Variants in CNBD1 observed in about 807,000 individuals in gnomAD.
CNBD1 encodes the protein cyclic nucleotide-binding domain-containing protein 1.
A neutral mutation model predicts 54.4 loss-of-function variants in CNBD1; 71 were observed. That is an observed-to-expected ratio of 1.30 (90% CI 1.08 to 1.59). The LOEUF (loss-of-function observed/expected upper bound fraction) is 1.59, where lower values mean the gene tolerates loss of function less well. Ranked by LOEUF, CNBD1 falls within the 40% of genes most tolerant of loss-of-function variation. CNBD1 has a pLI of 0.00. For missense variants in CNBD1, 659 were observed against 518.0 expected (o/e 1.27, Z -2.64); for synonymous variants, 182 against 170.7 (o/e 1.07, Z -0.51).
intron 2 of CNBD1, among the ~76,000 whole-genome samples, chr8:87,392,756 A>C (rs576970185): frequency 1.3e-5 from 2 of 151,942 alleles, no homozygotes; most frequent in Non-Finnish European, 2.9e-5. Flanking sequence ...AACTCTGTGA[A>C]TATAATGAAA....
At chr8:86,993,720 A>G (rs1808806378) in intron 4 of CNBD1, among the ~76,000 whole-genome samples, 1 of 152,208 alleles carries the variant, frequency 6.6e-6, no homozygotes, top group African/African-American at 2.4e-5. Context: ...GTGTGTATTA[A>G]AAGAATATTT....
chr8:87,327,958 A>T (rs1354975469), intron 8 of CNBD1, among the ~76,000 whole-genome samples: 6 of 150,786 alleles, frequency 4.0e-5, no homozygotes, highest in Non-Finnish European at 7.4e-5. Flanking sequence ...TTGCATGTTG[A>T]TATCCAGTTT....
rs541791576 is a variant in CNBD1 at position 87,394,691 on chromosome 8, C to G, written c.214-33855C>G. Among the ~76,000 whole-genome samples the G allele has an allele frequency of 1.6e-4, 25 of 151,958 alleles. No individual in the cohort carries two copies. The East Asian group carries it at 4.7e-3, about 28-fold the overall frequency. Reference sequence around the variant, plus strand: ...CTGTTTTATTTTTCTAGTTAGAGAGCACCTATCCATGCATAAAAAGAAAAC... The same window carrying G: ...CTGTTTTATTTTTCTAGTTAGAGAGGACCTATCCATGCATAAAAAGAAAAC... On this transcript the variant is annotated intron_variant, in intron 2 of 7. Coordinates refer to the CNBD1 transcript ENST00000521593.
In CNBD1 at chr8:87,123,518, G is replaced by A. The variant is rs543944953; in HGVS notation, c.432-82475G>A. Among the ~76,000 whole-genome samples, 11 of 151,626 alleles carry A rather than the reference G, an allele frequency of 7.3e-5. No individual in the cohort carries two copies. In the South Asian group the frequency reaches 2.3e-3, roughly 31 times the overall value. On this transcript the variant is annotated intron_variant, in intron 4 of 10. Coordinates refer to ENST00000518476, the MANE Select transcript of CNBD1 (RefSeq NM_173538.3). ...CCCCAAATTATGGAATGCAGCAAAA[G>A]CAGTCCTAATAAGGACATTTATAGC...
At chr8:87,078,236 T>C (rs751099448) in intron 4 of CNBD1, among the ~76,000 whole-genome samples, 4 of 152,234 alleles carry the variant, frequency 2.6e-5, no homozygotes, top group Non-Finnish European at 5.9e-5. Flanking sequence ...AGGTGGGCTG[T>C]CCACTATTTT....
chr8:87,346,075 C>G (rs1810170377), intron 8 of CNBD1, among the ~76,000 whole-genome samples: 1 of 151,250 alleles, frequency 6.6e-6, no homozygotes, highest in Non-Finnish European at 1.5e-5. Context: ...GAGTTTCACT[C>G]TTGTTGCCCA....
chr8:87,354,349 CA>C (rs1810375747), intron 10 of CNBD1, among the ~76,000 whole-genome samples: 1 of 151,980 alleles, frequency 6.6e-6, no homozygotes, highest in Admixed American at 6.6e-5. Context: ...TGGTGGATCC[CA>C]GGCAGGGACC....
chr8:87,145,162 C>A (rs1280268734), intron 4 of CNBD1, among the ~76,000 whole-genome samples: 1 of 151,912 alleles, frequency 6.6e-6, no homozygotes, highest in Non-Finnish European at 1.5e-5. Context: ...GTTTGAAGAA[C>A]AAAGACAGAA....
intron 4 of CNBD1, among the ~76,000 whole-genome samples, chr8:87,021,994 C>T (rs938970599): frequency 9.2e-5 from 14 of 152,124 alleles, no homozygotes; most frequent in Admixed American, 3.3e-4. Context: ...ATGACAGTAA[C>T]AGATAGGCGA....
At chr8:86,951,581 CAAAAAAAAAAAAAAAAAAAAAA>C (rs71275901) in intron 4 of CNBD1, among the ~76,000 whole-genome samples, 92 of 37,360 alleles carry the variant, frequency 2.5e-3, no homozygotes, top group African/African-American at 8.3e-3. Flanking sequence ...CTCCGTCTCA[CAAAAAAAAAAAAAAAAAAAAAA>C]AAAAAAAAAA....
intron 4 of CNBD1, among the ~76,000 whole-genome samples, chr8:87,205,685 C>T (rs1813957064): frequency 6.6e-6 from 1 of 152,004 alleles, no homozygotes; most frequent in Non-Finnish European, 1.5e-5. Context: ...AGAGATGCAA[C>T]TTTACAATAG....
chr8:87,407,109 G>A (rs1277585184), intron 2 of CNBD1, among the ~76,000 whole-genome samples: 1 of 151,794 alleles, frequency 6.6e-6, no homozygotes, highest in African/African-American at 2.4e-5. Flanking sequence ...TCACCATACT[G>A]ATCACAAAAC....
intron 4 of CNBD1, among the ~76,000 whole-genome samples, chr8:86,979,402 C>CAAAAAAAAAAAAAAAAAA (rs776634552): frequency 3.8e-4 from 4 of 10,398 alleles, no homozygotes; most frequent in Admixed American, 2.0e-3. Context: ...ATCATCTCTA[C>CAAAAAAAAAAAAAAAAAA]AAAAAAAAAA....
chr8:87,398,162 T>C (rs1236180500), intron 2 of CNBD1, among the ~76,000 whole-genome samples: 2 of 122,806 alleles, frequency 1.6e-5, no homozygotes, highest in Non-Finnish European at 3.4e-5. Flanking sequence ...GCAAACACCT[T>C]TTTGCAAGGG....
chr8:87,411,809 C>T (rs777452556), intron 2 of CNBD1, among the ~76,000 whole-genome samples: 1 of 151,484 alleles, frequency 6.6e-6, no homozygotes, highest in Non-Finnish European at 1.5e-5. Flanking sequence ...TGATAAATGC[C>T]ATCTTAGTGA....
chr8:87,263,733 G>A (rs1204931315), intron 6 of CNBD1, among the ~76,000 whole-genome samples: 1 of 151,906 alleles, frequency 6.6e-6, no homozygotes, highest in Non-Finnish European at 1.5e-5. Context: ...GAGCTTAATG[G>A]ATAACATATT....
At chr8:87,324,727 A>C (rs1413980354) in intron 8 of CNBD1, among the ~76,000 whole-genome samples, 1 of 150,204 alleles carries the variant, frequency 6.7e-6, no homozygotes, top group African/African-American at 2.5e-5. Context: ...CGGTCTATCA[A>C]TTTTGTTGAT....
At chr8:87,054,696 T>C (rs1306125065) in intron 4 of CNBD1, among the ~76,000 whole-genome samples, 5 of 152,162 alleles carry the variant, frequency 3.3e-5, no homozygotes, top group African/African-American at 1.2e-4. Context: ...TGTCAGGGAC[T>C]GGAGTTAGTC....
At position 86,916,588 on chromosome 8, in the gene CNBD1, C is replaced by G. The variant is rs573490457; in HGVS notation, c.272+11394C>G. Among the ~76,000 whole-genome samples the G allele has an allele frequency of 6.6e-5, 10 of 152,234 alleles. No individual in the cohort carries two copies. In the South Asian group the frequency reaches 2.1e-3, roughly 32 times the overall value. Reference sequence around the variant, plus strand: ...TACCTCATTATGTGTACGTGTAAGTCTACTTCACCCAATTCCTGGGATCTT... The same window carrying G: ...TACCTCATTATGTGTACGTGTAAGTGTACTTCACCCAATTCCTGGGATCTT... On this transcript the variant is annotated intron_variant, in intron 3 of 10. Coordinates refer to ENST00000518476, the MANE Select transcript of CNBD1 (RefSeq NM_173538.3).
Sources: gnomAD v4.1 joint callset for allele counts (sites outside exome capture counted in the v4.1 genomes callset) on GRCh38, gnomAD v4.1.1 for gene constraint, MANE v1.5 for transcripts, NCBI Gene and HGNC (gene_info 2026-07-23, HGNC 2026-07-21) for gene names.